GNB1L: variants seen among roughly 807,000 people sequenced by gnomAD.
The protein encoded by GNB1L is G protein subunit beta 1 like.
GNB1L carries 20 observed loss-of-function variants against 29.1 expected under a neutral mutation model. That is an observed-to-expected ratio of 0.69 (90% CI 0.48 to 1.00). GNB1L has a LOEUF of 1.00. Ranked by LOEUF, GNB1L falls within the 50% of genes least tolerant of loss-of-function variation. GNB1L has a pLI of 0.00. For missense variants in GNB1L, 421 were observed against 464.9 expected, an observed-to-expected ratio of 0.91 and a Z score of 0.87; for synonymous variants, 193 against 206.5, an observed-to-expected ratio of 0.93 and a Z score of 0.56.
At position 19,783,917 on chromosome 22, in the gene GNB1L, C is replaced by G. The variant is rs1937166895; in HGVS notation, c.*4792G>C. 1.3e-5 allele frequency: 2 copies of G among 152,348 alleles called. No homozygotes were observed. The highest frequency in any genetic ancestry group is 2.9e-5 in the Non-Finnish European group (2 of 68,134). 9.4% of individuals were successfully genotyped at this position (152,348 alleles called of 1,614,324 possible). A position where few individuals can be genotyped will look rare whatever the true frequency, so the allele number is the denominator to read the frequency against. Reference sequence around the variant, plus strand: ...AGTGACAGAGGGTCTCAAGGACTCTCCACCCACAAGGCGGGAATGGGGATG... The same window carrying G: ...AGTGACAGAGGGTCTCAAGGACTCTGCACCCACAAGGCGGGAATGGGGATG... On this transcript the variant is annotated 3_prime_UTR_variant, in exon 8 of 8. Coordinates refer to ENST00000329517, the MANE Select transcript of GNB1L (RefSeq NM_053004.3).
At chr22:19,791,570 G>A (rs377295581) in intron 7 of GNB1L, among the ~76,000 whole-genome samples, 1 of 152,210 alleles carries the variant, frequency 6.6e-6, no homozygotes, top group African/African-American at 2.4e-5. Context: ...CCAGAGGGCT[G>A]AAATCCATGG....
chr22:19,847,804 C>CA (rs34331843), intron 2 of GNB1L: 118,489 of 605,786 alleles, frequency 0.2, 3,499 homozygotes, highest in East Asian at 0.33. Context: ...GAATCATAGG[C>CA]AAAAAAAAAA....
chr22:19,850,711 TA>T (rs2145905610), intron 2 of GNB1L: 19 of 1,235,536 alleles, frequency 1.5e-5, no homozygotes, highest in South Asian at 1.3e-4. Flanking sequence ...AGGGTGGGGC[TA>T]GGGGGACAGA....
chr22:19,836,503 A>C (rs1252682433), intron 2 of GNB1L, among the ~76,000 whole-genome samples: 1 of 152,238 alleles, frequency 6.6e-6, no homozygotes, highest in Non-Finnish European at 1.5e-5. Flanking sequence ...AGAAAACAGA[A>C]AAAGAGAGAA....
chr22:19,788,882 C>T lies in GNB1L; in HGVS notation c.811G>A (p.Ala271Thr), dbSNP rs149398894. 79 of 1,612,748 alleles carry T rather than the reference C, an allele frequency of 4.9e-5. No individual in the cohort carries two copies. The highest frequency in any genetic ancestry group is 6.1e-5 in the Non-Finnish European group (72 of 1,179,920). The change falls in exon 8 of 8, where the codon GCA (alanine) becomes ACA (threonine). Residue 271 changes from alanine (A) to threonine (T), a missense_variant. Ala to Thr is a moderately conservative substitution (Grantham distance 58). Transcript: ENST00000329517. ...ACGCGGATGCGGTGGTCCCAGCCTG[C>T]GGTGGCCAGGATCTTGCGATCTGGC... The part of the protein sequence containing the change: ...IRPDRKILAT[A>T]GWDHRIRVFH...
At chr22:19,807,208 C>T (rs9941975) in intron 5 of GNB1L, among the ~76,000 whole-genome samples, 2 of 152,200 alleles carry the variant, frequency 1.3e-5, no homozygotes, top group African/African-American at 2.4e-5. Context: ...CTGGCTCCCC[C>T]ACCTGGACGC....
intron 2 of GNB1L, among the ~76,000 whole-genome samples, chr22:19,824,628 C>T (rs967131423): frequency 7.2e-5 from 11 of 152,222 alleles, no homozygotes; most frequent in African/African-American, 9.6e-5. Flanking sequence ...TGCACCACCG[C>T]GGAGGCAGCT....
chr22:19,849,026 AG>A, intron 2 of GNB1L: 1 of 985,336 alleles, frequency 1.0e-6, no homozygotes, highest in Non-Finnish European at 1.2e-6. Context: ...AACCCACAAA[AG>A]GGGGGATGGG....
chr22:19,795,474 T>C (rs1300499686), intron 7 of GNB1L, among the ~76,000 whole-genome samples: 1 of 152,126 alleles, frequency 6.6e-6, no homozygotes, highest in Non-Finnish European at 1.5e-5. Flanking sequence ...TTCAAGTCCA[T>C]GTGGTGCACT....
chr22:19,815,416 G>A (rs754653263), intron 4 of GNB1L, among the ~76,000 whole-genome samples: 1 of 152,170 alleles, frequency 6.6e-6, no homozygotes, highest in Non-Finnish European at 1.5e-5. Flanking sequence ...TCTGCTAGGC[G>A]GCAAGGCTCA....
chr22:19,794,092 C>T (rs1199910385), intron 7 of GNB1L, among the ~76,000 whole-genome samples: 1 of 152,040 alleles, frequency 6.6e-6, no homozygotes, highest in African/African-American at 2.4e-5. Flanking sequence ...GCCTGGGCAA[C>T]ATAGTGAGAC....
intron 4 of GNB1L, among the ~76,000 whole-genome samples, chr22:19,820,235 C>T (rs1432477428): frequency 6.6e-6 from 1 of 152,192 alleles, no homozygotes; most frequent in African/African-American, 2.4e-5. Context: ...ATGCCCTCAC[C>T]CCTGCCCAGT....
chr22:19,812,805 G>T (rs1937511531), intron 4 of GNB1L, among the ~76,000 whole-genome samples: 1 of 152,220 alleles, frequency 6.6e-6, no homozygotes, highest in South Asian at 2.1e-4. Context: ...AGGATCCCAG[G>T]AAGGACTGCA....
chr22:19,830,581 G>C (rs369404279), intron 2 of GNB1L, among the ~76,000 whole-genome samples: 2 of 152,096 alleles, frequency 1.3e-5, no homozygotes, highest in South Asian at 4.1e-4. Flanking sequence ...TCTTGGTTAA[G>C]ACAATTCAAC....
chr22:19,805,078 G>A (rs1040080671), intron 6 of GNB1L, among the ~76,000 whole-genome samples: 13 of 152,176 alleles, frequency 8.5e-5, no homozygotes, highest in African/African-American at 2.7e-4. Flanking sequence ...CCTGTGGCCC[G>A]GCTGTGAGCC....
intron 4 of GNB1L, among the ~76,000 whole-genome samples, chr22:19,819,102 C>T (rs530104321): frequency 6.6e-6 from 1 of 152,376 alleles, no homozygotes; most frequent in Admixed American, 6.5e-5. Context: ...GGCTGCCCCT[C>T]CCTGCTCTGC....
intron 2 of GNB1L, among the ~76,000 whole-genome samples, chr22:19,830,651 G>A (rs534723207): frequency 2.7e-4 from 41 of 152,126 alleles, no homozygotes; most frequent in African/African-American, 9.2e-4. Context: ...CAACCCCAAC[G>A]GAAACACCAG....
At chr22:19,797,806 T>C (rs880194) in intron 7 of GNB1L, among the ~76,000 whole-genome samples, 56,526 of 152,062 alleles carry the variant, frequency 0.37, 10,867 homozygotes, top group East Asian at 0.58. Flanking sequence ...CGGGGCCCCC[T>C]GGTTCACGGA....
At chr22:19,853,388 T>C (rs1165783051) in intron 2 of GNB1L, among the ~76,000 whole-genome samples, 1 of 152,090 alleles carries the variant, frequency 6.6e-6, no homozygotes, top group Non-Finnish European at 1.5e-5. Flanking sequence ...GCCAGTTCTA[T>C]TCCAGTGCAA....
Sources: gnomAD v4.1 joint callset for allele counts (sites outside exome capture counted in the v4.1 genomes callset) on GRCh38, gnomAD v4.1.1 for gene constraint, MANE v1.5 for transcripts, NCBI Gene and HGNC (gene_info 2026-07-23, HGNC 2026-07-21) for gene names.